Variants in CLNK observed in about 807,000 individuals in gnomAD.
CLNK encodes cytokine-dependent hematopoietic cell linker.
In CLNK, 74 loss-of-function variants were observed where a neutral mutation model predicts 68.6. The observed-to-expected ratio is 1.08, with a 90% CI of 0.89 to 1.31. CLNK has a LOEUF of 1.31. CLNK is among the 50% of genes most tolerant of loss of function. The pLI, the probability that CLNK is intolerant of heterozygous loss-of-function variation, is 0.00. For missense variants in CLNK, 553 were observed against 515.3 expected (o/e 1.07, Z -0.71); for synonymous variants, 198 against 172.2 (o/e 1.15, Z -1.17).
At chr4:10,649,133 C>A (rs558256185) in intron 2 of CLNK, among the ~76,000 whole-genome samples, 2 of 152,134 alleles carry the variant, frequency 1.3e-5, no homozygotes, top group African/African-American at 4.8e-5. Context: ...AATAAGAGCA[C>A]CAATGATTGA....
At chr4:10,588,405 A>G (rs61795145) in intron 3 of CLNK, among the ~76,000 whole-genome samples, 6,239 of 152,302 alleles carry the variant, frequency 0.041, 189 homozygotes, top group Middle Eastern at 0.099. Context: ...AGTTTTTTAA[A>G]TGGGAGAACT....
chr4:10,665,568 G>A (rs1281622662), intron 2 of CLNK, among the ~76,000 whole-genome samples: 1 of 150,798 alleles, frequency 6.6e-6, no homozygotes, highest in Non-Finnish European at 1.5e-5. Context: ...GGAGTCTGAG[G>A]TAGGAGAATC....
chr4:10,718,486 A>G, the CLNK span, among the ~76,000 whole-genome samples: 3 of 133,930 alleles, frequency 2.2e-5, no homozygotes, highest in Non-Finnish European at 3.3e-5. Context: ...AAGTGGCACA[A>G]TATTTTTTAA....
the CLNK span, among the ~76,000 whole-genome samples, chr4:10,706,589 A>T: frequency 6.6e-6 from 1 of 152,220 alleles, no homozygotes; most frequent in African/African-American, 2.4e-5. Context: ...TGTATCTGTC[A>T]TCTGCATACA....
intron 2 of CLNK, among the ~76,000 whole-genome samples, chr4:10,640,988 C>G (rs1723284365): frequency 6.6e-6 from 1 of 152,168 alleles, no homozygotes; most frequent in South Asian, 2.1e-4. Context: ...CTTGCCCAAC[C>G]CTCAACCGCT....
rs971368052 is a variant in CLNK at position 10,488,259 on chromosome 4, T to C, written c.*2208A>G. 5 of 152,254 alleles carry C rather than the reference T, an allele frequency of 3.3e-5. No individual in the cohort carries two copies. Among genetic ancestry groups the C allele is most frequent in the Non-Finnish European group, 7.3e-5 (5 of 68,046 alleles). The allele number at this position is 152,254 out of a possible 1,614,324, so 9.4% of individuals were successfully genotyped here. A position where few individuals can be genotyped will look rare whatever the true frequency, so the allele number is the denominator to read the frequency against. ...CACCTTATCAAATGCTAACCCCCAC[T>C]TGACATTCACCTATTTTATCAACAG... On this transcript the variant is annotated 3_prime_UTR_variant, in exon 19 of 19. Coordinates refer to ENST00000226951, the MANE Select transcript of CLNK (RefSeq NM_052964.4).
chr4:10,540,286 G>A (rs530746373), intron 11 of CLNK, among the ~76,000 whole-genome samples: 1 of 152,140 alleles, frequency 6.6e-6, no homozygotes, highest in Non-Finnish European at 1.5e-5. Flanking sequence ...AGTTTCGTGA[G>A]GCTTCCCCAG....
chr4:10,507,386 C>T (rs1717348344), intron 17 of CLNK, among the ~76,000 whole-genome samples: 1 of 152,094 alleles, frequency 6.6e-6, no homozygotes, highest in South Asian at 2.1e-4. Context: ...GCTGGGATTA[C>T]AGGCGTGAAC....
At chr4:10,555,462 T>C (rs1429096905) in intron 8 of CLNK, among the ~76,000 whole-genome samples, 1 of 152,260 alleles carries the variant, frequency 6.6e-6, no homozygotes, top group East Asian at 1.9e-4. Flanking sequence ...TTAATGCTAG[T>C]GGTTCGTCAC....
At chr4:10,656,215 C>T (rs577982653) in intron 2 of CLNK, among the ~76,000 whole-genome samples, 44 of 150,592 alleles carry the variant, frequency 2.9e-4, no homozygotes, top group Middle Eastern at 3.5e-3. Context: ...CCTGAAATTA[C>T]GGTCACCAAA....
intron 8 of CLNK, among the ~76,000 whole-genome samples, chr4:10,547,839 G>A (rs927454383): frequency 1.3e-5 from 2 of 152,080 alleles, no homozygotes; most frequent in Admixed American, 6.6e-5. Flanking sequence ...CCTTAAGGCT[G>A]AAAAATACTC....
In CLNK at chr4:10,571,782, C is replaced by T. The variant is rs769217728; in HGVS notation, c.113-4G>A. 10 of 1,611,726 alleles carry T rather than the reference C, an allele frequency of 6.2e-6. No homozygotes were observed. Among genetic ancestry groups the T allele is most frequent in the Non-Finnish European group, 8.5e-6 (10 of 1,178,178 alleles). ...TTGTTCATCCTCTGGTACTGGCCTGCCAACACAAACAGACCGAGTGTTATT... is the reference window on the plus strand; with the variant it reads ...TTGTTCATCCTCTGGTACTGGCCTGTCAACACAAACAGACCGAGTGTTATT... On this transcript the variant is annotated splice_polypyrimidine_tract_variant and splice_region_variant and intron_variant, in intron 4 of 18. Transcript: ENST00000226951.
At chr4:10,491,664 G>C (rs1260845904) in intron 18 of CLNK, among the ~76,000 whole-genome samples, 1 of 152,200 alleles carries the variant, frequency 6.6e-6, no homozygotes, top group African/African-American at 2.4e-5. Context: ...TATGTTATGG[G>C]TCATTCCAGA....
Position 10,598,094 on chromosome 4 carries a change from C to T in CLNK, c.12-45G>A, listed in dbSNP as rs182844346. On this transcript the variant is annotated intron_variant, in intron 2 of 18. Coordinates refer to ENST00000226951, the MANE Select transcript of CLNK (RefSeq NM_052964.4). ...ATTATAGCTGGGAAATAGCAAGAAGCTAGGGGAAAAATTAATTAAGTGCAT... is the reference window on the plus strand; with the variant it reads ...ATTATAGCTGGGAAATAGCAAGAAGTTAGGGGAAAAATTAATTAAGTGCAT... 812 of 1,367,470 alleles carry T rather than the reference C, an allele frequency of 5.9e-4. 13 individuals carry two copies. In the East Asian group the frequency reaches 0.015, roughly 25 times the overall value. The allele number at this position is 1,367,470 out of a possible 1,614,324, so 84.7% of individuals were successfully genotyped here.
At chr4:10,658,856 C>T (rs1213773128) in intron 2 of CLNK, among the ~76,000 whole-genome samples, 1 of 152,170 alleles carries the variant, frequency 6.6e-6, no homozygotes, top group African/African-American at 2.4e-5. Flanking sequence ...GCATACACTG[C>T]AGAAAAGCAT....
chr4:10,606,330 C>T (rs1721789396), intron 2 of CLNK, among the ~76,000 whole-genome samples: 1 of 152,160 alleles, frequency 6.6e-6, no homozygotes, highest in African/African-American at 2.4e-5. Flanking sequence ...GGAAGGTCGT[C>T]AGGGGCAATG....
chr4:10,615,206 G>A (rs1045886928), intron 2 of CLNK, among the ~76,000 whole-genome samples: 28 of 151,926 alleles, frequency 1.8e-4, no homozygotes, highest in African/African-American at 7.3e-5. Flanking sequence ...GAGGCTGGGC[G>A]CGGTGGCTTA....
intron 1 of CLNK, among the ~76,000 whole-genome samples, chr4:10,670,988 T>A (rs566082362): frequency 6.6e-6 from 1 of 152,340 alleles, no homozygotes; most frequent in African/African-American, 2.4e-5. Context: ...GAAATTTGAA[T>A]AAAAGTTAAA....
intron 2 of CLNK, among the ~76,000 whole-genome samples, chr4:10,667,296 C>A (rs1186275343): frequency 6.6e-6 from 1 of 151,510 alleles, no homozygotes; most frequent in African/African-American, 2.4e-5. Context: ...AATTTTAAAA[C>A]TGGTCCACCA....
Sources: allele counts gnomAD v4.1 joint callset (sites outside exome capture counted in the v4.1 genomes callset), GRCh38; gene constraint gnomAD v4.1.1; transcripts MANE v1.5; gene names NCBI Gene and HGNC (gene_info 2026-07-23, HGNC 2026-07-21).